The following ASPG variants were observed in gnomAD, a reference collection of about 807,000 sequenced individuals.
ASPG encodes 60 kDa lysophospholipase.
In ASPG, 53 loss-of-function variants were observed where a neutral mutation model predicts 63.2. The observed-to-expected ratio is 0.84, with a 90% CI of 0.67 to 1.05. The LOEUF (loss-of-function observed/expected upper bound fraction) is 1.05, where lower values mean the gene tolerates loss of function less well. ASPG is among the 50% of genes least tolerant of loss of function. The pLI is 0.00. For missense variants in ASPG, 741 were observed against 794.4 expected, an observed-to-expected ratio of 0.93 and a Z score of 0.81; for synonymous variants, 370 against 355.0, an observed-to-expected ratio of 1.04 and a Z score of -0.48.
intron 5 of ASPG, among the ~76,000 whole-genome samples, chr14:104,098,616 T>C (rs1419279364): frequency 6.6e-6 from 1 of 151,920 alleles, no homozygotes; most frequent in Non-Finnish European, 1.5e-5. Context: ...CCCCAGGCCC[T>C]GGGGTCCCCA....
At chr14:104,099,439 C>T (rs981243525) in intron 6 of ASPG, among the ~76,000 whole-genome samples, 5 of 152,184 alleles carry the variant, frequency 3.3e-5, no homozygotes, top group Admixed American at 6.5e-5. Flanking sequence ...GAGGCTTCCC[C>T]CTGGGGGGGC....
intron 10 of ASPG, among the ~76,000 whole-genome samples, chr14:104,105,895 C>T (rs987462905): frequency 6.6e-5 from 10 of 152,138 alleles, no homozygotes; most frequent in African/African-American, 2.4e-4. Flanking sequence ...GGGGGGCTTT[C>T]GAGGCCTGGG....
chr14:104,092,046 C>A (rs1237047213), intron 1 of ASPG, among the ~76,000 whole-genome samples: 1 of 152,008 alleles, frequency 6.6e-6, no homozygotes, highest in East Asian at 1.9e-4. Flanking sequence ...GGTCGGGGAG[C>A]TGGGGAAGGG....
At chr14:104,111,384 G>A (rs971103869) in intron 13 of ASPG, 118 bp from the exon 14 acceptor site, 7 of 1,078,780 alleles carry the variant, frequency 6.5e-6, no homozygotes, top group Non-Finnish European at 9.3e-6. Context: ...TCGCTGCTGG[G>A]TCAGCTGTTT....
intron 1 of ASPG, among the ~76,000 whole-genome samples, chr14:104,086,741 A>C (rs556096067): frequency 2.0e-5 from 3 of 151,912 alleles, no homozygotes; most frequent in Admixed American, 2.0e-4. Flanking sequence ...GCGACCCTCC[A>C]TGGGCCACTG....
intron 6 of ASPG, among the ~76,000 whole-genome samples, chr14:104,100,522 C>T (rs1463724871): frequency 1.3e-5 from 2 of 152,196 alleles, no homozygotes; most frequent in African/African-American, 2.4e-5. Flanking sequence ...CAAGCCTGTG[C>T]GCTGTCTCCT....
Position 104,104,750 on chromosome 14 carries a change from G to C in ASPG, c.1050+15G>C, listed in dbSNP as rs762956123. ...TCAGGAAGGAGGTGCGGGCGCTCTC[G>C]GGCTGTGGGCAACCCTCGGTGTGCA... On this transcript the variant is annotated intron_variant, in intron 9 of 15. Coordinates refer to ENST00000551177, the MANE Select transcript of ASPG (RefSeq NM_001080464.3). 1 of 1,573,804 alleles carries C rather than the reference G, an allele frequency of 6.4e-7. No homozygotes were observed. Among genetic ancestry groups the C allele is most frequent in the Non-Finnish European group, 8.7e-7 (1 of 1,155,134 alleles).
rs754752531 is a variant in ASPG, at chr14:104,106,939, C to G, written c.1269+45C>G. ...GGGGCCCAGCCCCAGCCACGCCTGG[C>G]CTGGGGGCTCTGAACCCTGTAGGCA... On this transcript the variant is annotated intron_variant, in intron 11 of 15. Coordinates refer to ENST00000551177, the MANE Select transcript of ASPG (RefSeq NM_001080464.3). 31 of 1,517,612 alleles carry G rather than the reference C, an allele frequency of 2.0e-5. No individual in the cohort carries two copies. In the African/African-American group the frequency reaches 3.2e-4, roughly 16 times the overall value. 94.0% of individuals were successfully genotyped at this position (1,517,612 alleles called of 1,614,324 possible).
Position 104,110,961 on chromosome 14 carries a change from G to C in ASPG, c.1521-541G>C. On this transcript the variant is annotated intron_variant, in intron 13 of 15. Coordinates refer to ENST00000551177, the MANE Select transcript of ASPG (RefSeq NM_001080464.3). This position sits in a 1 kb window ranked among gnomAD's most constrained non-coding sequence, Gnocchi z 4.7. Reference sequence around the variant, plus strand: ...CAGGACCCCCCCATGCAGTCTGCCGGGGTCCAGGGCCAACCGTTATCCTGG... The same window carrying C: ...CAGGACCCCCCCATGCAGTCTGCCGCGGTCCAGGGCCAACCGTTATCCTGG... The C allele has an allele frequency of 1.0e-6, 1 of 985,388 alleles. No individual in the cohort carries two copies. The highest frequency in any genetic ancestry group is 1.2e-6 in the Non-Finnish European group (1 of 829,914). The allele number at this position is 985,388 out of a possible 1,614,324, so 61.0% of individuals were successfully genotyped here. A position where few individuals can be genotyped will look rare whatever the true frequency, so the allele number is the denominator to read the frequency against.
chr14:104,097,685 G>A (rs1293671904), intron 5 of ASPG, 48 bp downstream of exon 5: 3 of 1,529,154 alleles, frequency 2.0e-6, no homozygotes, highest in South Asian at 1.2e-5. Flanking sequence ...GTGGGGGCAG[G>A]AGCCCAGACA....
chr14:104,106,765 G>T (rs868126527), intron 10 of ASPG, 34 bp from the exon 11 acceptor site: 1 of 1,537,450 alleles, frequency 6.5e-7, no homozygotes, highest in Non-Finnish European at 8.8e-7. Context: ...CCAAAGGGAG[G>T]CGTGGGTCCC....
Position 104,095,603 on chromosome 14 carries a change from C to T in ASPG, c.376C>T (p.Leu126=), listed in dbSNP as rs1382708353. The part of the protein sequence containing the change: ...TDTMAFAASM[L]SFMLENLQKT... ...CACCATGGCCTTTGCTGCCTCGATG[C>T]TGTCCTTCATGCTGGAGAACCTGCA... Residue 126 remains leucine, a synonymous_variant, in exon 4 of 16, where the codon CTG becomes TTG. Transcript: ENST00000551177. The T allele has an allele frequency of 1.2e-6, 2 of 1,613,150 alleles. No individual in the cohort carries two copies. Among genetic ancestry groups the T allele is most frequent in the Admixed American group, 1.7e-5 (1 of 60,004 alleles).
chr14:104,101,834 C>T (rs996354664), intron 6 of ASPG, among the ~76,000 whole-genome samples: 3 of 152,222 alleles, frequency 2.0e-5, no homozygotes, highest in African/African-American at 7.2e-5. Context: ...CCCTTCGGCT[C>T]CTGTGCTGAG....
intron 10 of ASPG, 122 bp from the exon 11 acceptor site, chr14:104,106,677 C>T (rs570836430): frequency 2.7e-5 from 24 of 877,770 alleles, no homozygotes; most frequent in African/African-American, 1.0e-4. Context: ...TTCTCACCCA[C>T]GCCCTGGGAT....
chr14:104,093,377 G>A, intron 2 of ASPG, 114 bp from the exon 3 acceptor site: 1 of 953,144 alleles, frequency 1.0e-6, no homozygotes, highest in East Asian at 2.5e-5. Context: ...GGAGCCCTTG[G>A]CGTAGGGGCC....
intron 11 of ASPG, 74 bp from the exon 12 acceptor site, chr14:104,107,108 C>A: frequency 1.3e-6 from 2 of 1,503,234 alleles, no homozygotes; most frequent in South Asian, 1.3e-5. Flanking sequence ...CTCAGAGGGA[C>A]CCCACCCTCC....
intron 9 of ASPG, chr14:104,105,023 T>C: frequency 1.7e-6 from 1 of 577,030 alleles, no homozygotes; most frequent in Non-Finnish European, 3.1e-6. Flanking sequence ...AATCCTCTCC[T>C]GCTCTCCACT....
rs2037415184 is a variant in ASPG, at chr14:104,112,648, T to G, written c.*104T>G. ...GCTGGGGCTGCTTCCCAGCCTGCTC[T>G]CATGTAAAGCCTGAAGGCCTTTGTT... is the stretch of plus-strand genomic sequence containing the variant. On this transcript the variant is annotated 3_prime_UTR_variant, in exon 16 of 16. Coordinates refer to ENST00000551177, the MANE Select transcript of ASPG (RefSeq NM_001080464.3). 6.4e-7 allele frequency: 1 copy of G among 1,551,142 alleles called. No individual in the cohort carries two copies. The highest frequency in any genetic ancestry group is 1.4e-5 in the African/African-American group (1 of 73,642).
Position 104,112,673 on chromosome 14 carries a change from T to G in ASPG, c.*129T>G. On this transcript the variant is annotated 3_prime_UTR_variant, in exon 16 of 16. Coordinates refer to ENST00000551177, the MANE Select transcript of ASPG (RefSeq NM_001080464.3). Reference sequence around the variant, plus strand: ...TCATGTAAAGCCTGAAGGCCTTTGTTGGGCAGGACGGCAATAAAGTCTCTG... The same window carrying G: ...TCATGTAAAGCCTGAAGGCCTTTGTGGGGCAGGACGGCAATAAAGTCTCTG... The G allele has an allele frequency of 1.3e-6, 2 of 1,535,088 alleles. No individual in the cohort carries two copies. The highest frequency in any genetic ancestry group is 1.7e-6 in the Non-Finnish European group (2 of 1,144,998).
Sources: allele counts gnomAD v4.1 joint callset (sites outside exome capture counted in the v4.1 genomes callset), GRCh38; gene constraint gnomAD v4.1.1; non-coding constraint Gnocchi (gnomAD v3.1); transcripts MANE v1.5; gene names NCBI Gene and HGNC (gene_info 2026-07-23, HGNC 2026-07-21).